Variants in ASIC2 observed in about 807,000 individuals in gnomAD.
ASIC2 encodes the protein acid-sensing ion channel 2.
ASIC2 carries 25 observed loss-of-function variants against 57.3 expected under a neutral mutation model. The ratio of observed to expected loss-of-function variants is 0.44; its 90% CI spans 0.32 to 0.61. ASIC2 has a LOEUF of 0.61. ASIC2 is among the 20% of genes least tolerant of loss of function. The pLI is 0.06. For missense variants in ASIC2, 641 were observed against 738.1 expected (o/e 0.87, Z 1.52); for synonymous variants, 319 against 307.5 (o/e 1.04, Z -0.39).
chr17:34,050,720 C>T (rs552900107), intron 1 of ASIC2, among the ~76,000 whole-genome samples: 2 of 152,302 alleles, frequency 1.3e-5, no homozygotes, highest in East Asian at 3.9e-4. Flanking sequence ...CACATAGGAG[C>T]ATGTGTAAGT....
At chr17:33,585,194 C>A (rs1207378074) in intron 1 of ASIC2, among the ~76,000 whole-genome samples, 1 of 151,824 alleles carries the variant, frequency 6.6e-6, no homozygotes, top group Non-Finnish European at 1.5e-5. Context: ...GCTCTCCAGT[C>A]CAGGTTAATG....
chr17:34,031,566 G>A (rs1907613268), intron 1 of ASIC2, among the ~76,000 whole-genome samples: 1 of 152,168 alleles, frequency 6.6e-6, no homozygotes, highest in Non-Finnish European at 1.5e-5. Flanking sequence ...ACTACTCCAA[G>A]CTACAGGAGG....
chr17:33,130,162 G>T (rs186322075), intron 1 of ASIC2, among the ~76,000 whole-genome samples: 3 of 152,078 alleles, frequency 2.0e-5, no homozygotes, highest in African/African-American at 2.4e-5. Context: ...GTTAATAGGG[G>T]TTCAGCACAA....
intron 1 of ASIC2, among the ~76,000 whole-genome samples, chr17:33,730,139 C>A (rs145472184): frequency 1.9e-4 from 29 of 152,124 alleles, no homozygotes; most frequent in African/African-American, 6.5e-4. Flanking sequence ...TTAATTAGCC[C>A]CTGTATAGTT....
chr17:33,106,923 G>A (rs2092237264), intron 2 of ASIC2, among the ~76,000 whole-genome samples: 2 of 152,202 alleles, frequency 1.3e-5, no homozygotes, highest in Admixed American at 6.5e-5. Flanking sequence ...TTCAGAGGGA[G>A]GAGGAGTGAG....
intron 1 of ASIC2, among the ~76,000 whole-genome samples, chr17:33,463,621 C>T (rs986109621): frequency 2.0e-5 from 3 of 152,186 alleles, no homozygotes; most frequent in African/African-American, 4.8e-5. Flanking sequence ...TGAGCCCCAG[C>T]CCTTATGGAC....
chr17:33,363,383 G>A (rs912694047), intron 1 of ASIC2, among the ~76,000 whole-genome samples: 4 of 152,230 alleles, frequency 2.6e-5, no homozygotes, highest in Non-Finnish European at 5.9e-5. Flanking sequence ...ATAAGAGGCA[G>A]TGACTTTTCC....
intron 2 of ASIC2, among the ~76,000 whole-genome samples, chr17:33,090,982 T>A (rs2092155356): frequency 1.3e-5 from 2 of 152,204 alleles, no homozygotes; most frequent in African/African-American, 4.8e-5. Flanking sequence ...ACAGTCATTG[T>A]TCTGTGGTTT....
At chr17:33,175,990 G>A (rs1219408787) in intron 1 of ASIC2, among the ~76,000 whole-genome samples, 4 of 152,088 alleles carry the variant, frequency 2.6e-5, no homozygotes, top group African/African-American at 9.7e-5. Flanking sequence ...GCCTTGTGCT[G>A]TACACCCAGC....
chr17:33,924,914 C>G (rs1410266721), intron 1 of ASIC2, among the ~76,000 whole-genome samples: 1 of 152,228 alleles, frequency 6.6e-6, no homozygotes, highest in Non-Finnish European at 1.5e-5. Context: ...CATGCCATGA[C>G]AGTCACTTCT....
At chr17:33,700,772 C>G (rs1413759268) in intron 1 of ASIC2, among the ~76,000 whole-genome samples, 1 of 152,170 alleles carries the variant, frequency 6.6e-6, no homozygotes, top group East Asian at 1.9e-4. Flanking sequence ...AGACACAGCG[C>G]TTTGCAGGCT....
intron 1 of ASIC2, among the ~76,000 whole-genome samples, chr17:33,326,063 G>A (rs1907064512): frequency 6.6e-6 from 1 of 152,110 alleles, no homozygotes; most frequent in Admixed American, 6.5e-5. Flanking sequence ...AAGAAACTTG[G>A]TCAAGGTCAC....
chr17:33,953,828 T>C (rs1446372430), intron 1 of ASIC2, among the ~76,000 whole-genome samples: 2 of 152,094 alleles, frequency 1.3e-5, no homozygotes, highest in Admixed American at 6.6e-5. Context: ...TTGGTTGGGG[T>C]AAATAAGTAT....
intron 3 of ASIC2, among the ~76,000 whole-genome samples, chr17:33,047,754 T>A (rs1238845636): frequency 6.6e-6 from 1 of 152,236 alleles, no homozygotes; most frequent in Non-Finnish European, 1.5e-5. Context: ...GCCAGTGCTC[T>A]AGCCAGCATT....
At chr17:33,242,017 C>T (rs889833159) in intron 1 of ASIC2, among the ~76,000 whole-genome samples, 1 of 152,224 alleles carries the variant, frequency 6.6e-6, no homozygotes, top group African/African-American at 2.4e-5. Flanking sequence ...TCCGAACCTA[C>T]ACAAAATAGG....
At chr17:34,103,653 G>A (rs894329375) in intron 1 of ASIC2, among the ~76,000 whole-genome samples, 7 of 151,818 alleles carry the variant, frequency 4.6e-5, no homozygotes, top group Non-Finnish European at 1.0e-4. Flanking sequence ...GTCAGAGATT[G>A]GGCTCACTTT....
chr17:33,813,051 C>A (rs574543049), intron 1 of ASIC2, among the ~76,000 whole-genome samples: 20 of 152,292 alleles, frequency 1.3e-4, no homozygotes, highest in Admixed American at 5.9e-4. Flanking sequence ...AATGGGCAAT[C>A]TCAGGGGACC....
intron 1 of ASIC2, among the ~76,000 whole-genome samples, chr17:33,919,983 C>A (rs573264876): frequency 6.6e-6 from 1 of 152,098 alleles, no homozygotes; most frequent in African/African-American, 2.4e-5. Flanking sequence ...CCATCTCACA[C>A]GAGTCAGAAA....
intron 1 of ASIC2, among the ~76,000 whole-genome samples, chr17:33,464,687 CTA>C (rs3057641): frequency 0.011 from 1,467 of 132,584 alleles, 24 homozygotes; most frequent in African/African-American, 0.038. Context: ...CTCTCTCTCT[CTA>C]TATATATATA....
Sources: gnomAD v4.1 joint callset for allele counts (sites outside exome capture counted in the v4.1 genomes callset) on GRCh38, gnomAD v4.1.1 for gene constraint, MANE v1.5 for transcripts, NCBI Gene and HGNC (gene_info 2026-07-23, HGNC 2026-07-21) for gene names.